The following PSMB3 variants were observed in gnomAD, a reference collection of about 807,000 sequenced individuals.
The protein encoded by PSMB3 is proteasome 20S subunit beta 3.
PSMB3 carries 5 observed loss-of-function variants against 23.3 expected under a neutral mutation model. The ratio of observed to expected loss-of-function variants is 0.21; its 90% CI spans 0.11 to 0.45. PSMB3 has a LOEUF of 0.45. Among genes scored for constraint, PSMB3 ranks in the 20% least tolerant of loss-of-function variants. The pLI is 0.99. For synonymous variants in PSMB3, 85 were observed against 99.8 expected (o/e 0.85, Z 0.88); for missense variants, 192 against 277.9 (o/e 0.69, Z 2.20).
At chr17:38,754,649 T>C (rs1350769555) in intron 2 of PSMB3, among the ~76,000 whole-genome samples, 1 of 152,190 alleles carries the variant, frequency 6.6e-6, no homozygotes, top group Admixed American at 6.5e-5. Flanking sequence ...GAGCCTTCCC[T>C]TCTGCAGTCA....
chr17:38,760,404 T>G, intron 3 of PSMB3, 27 bp from the exon 4 acceptor site: 1 of 1,609,578 alleles, frequency 6.2e-7, no homozygotes, highest in Non-Finnish European at 8.5e-7. Flanking sequence ...GAGTTCTGGT[T>G]TCTCTCTCTG....
chr17:38,755,658 AAATATATAT>A (rs1211685948), intron 2 of PSMB3, among the ~76,000 whole-genome samples: 48 of 106,092 alleles, frequency 4.5e-4, no homozygotes, highest in South Asian at 1.0e-3. Flanking sequence ...AAAAAAAAAA[AAATATATAT>A]ATATATATAT....
chr17:38,757,871 GT>G (rs1908272931), intron 3 of PSMB3, among the ~76,000 whole-genome samples: 1 of 151,766 alleles, frequency 6.6e-6, no homozygotes, highest in Non-Finnish European at 1.5e-5. Context: ...GGCCAGGCTG[GT>G]CTCAAACTCA....
At chr17:38,753,441 GTTTGAGAC>G in intron 2 of PSMB3, 107 bp downstream of exon 2, 1 of 1,174,830 alleles carries the variant, frequency 8.5e-7, no homozygotes, top group African/African-American at 1.6e-5. Flanking sequence ...CCACCAGTGA[GTTTGAGAC>G]TTTGCCGCCT....
chr17:38,756,720 T>A (rs1396934374), intron 3 of PSMB3, among the ~76,000 whole-genome samples: 1 of 152,110 alleles, frequency 6.6e-6, no homozygotes, highest in Non-Finnish European at 1.5e-5. Context: ...GGTCTCGAAC[T>A]CCTGACCTCA....
At chr17:38,757,896 C>T (rs895548972) in intron 3 of PSMB3, among the ~76,000 whole-genome samples, 12 of 151,934 alleles carry the variant, frequency 7.9e-5, no homozygotes, top group Admixed American at 4.6e-4. Context: ...CCTCATGATC[C>T]GCCCACCTCA....
intron 3 of PSMB3, among the ~76,000 whole-genome samples, chr17:38,756,599 G>A (rs965634464): frequency 2.0e-5 from 3 of 151,916 alleles, no homozygotes; most frequent in South Asian, 2.1e-4. Flanking sequence ...AGGTTCAATC[G>A]ATTCTTCTGC....
chr17:38,753,483 CTT>C (rs35484180), intron 2 of PSMB3, 149 bp downstream of exon 2: 19,259 of 619,772 alleles, frequency 0.031, no homozygotes, highest in East Asian at 0.084. Flanking sequence ...CCTTCCCTTT[CTT>C]TTTTTTTTTT....
chr17:38,762,797 C>T (rs1430285463), intron 5 of PSMB3, among the ~76,000 whole-genome samples: 1 of 152,144 alleles, frequency 6.6e-6, no homozygotes, highest in Non-Finnish European at 1.5e-5. Flanking sequence ...TGGGGTGAGC[C>T]ACAACAAAGC....
At chr17:38,755,678 A>ATGTGTGTGTGTGTGTG (rs1207952481) in intron 2 of PSMB3, among the ~76,000 whole-genome samples, 2 of 107,092 alleles carry the variant, frequency 1.9e-5, no homozygotes, top group East Asian at 2.6e-4. Flanking sequence ...ATATATATAT[A>ATGTGTGTGTGTGTGTG]TATATGTGTG....
chr17:38,764,065 C>T (rs1598036214), intron 5 of PSMB3, 54 bp from the exon 6 acceptor site: 3 of 1,607,594 alleles, frequency 1.9e-6, no homozygotes, highest in East Asian at 4.5e-5. Flanking sequence ...GAGCTAGTCA[C>T]AGTCACGGTC....
At chr17:38,754,187 C>T (rs1026510538) in intron 2 of PSMB3, among the ~76,000 whole-genome samples, 3 of 151,928 alleles carry the variant, frequency 2.0e-5, no homozygotes, top group African/African-American at 4.8e-5. Context: ...GTTCTCATTT[C>T]GGCTGGGCGC....
intron 2 of PSMB3, among the ~76,000 whole-genome samples, chr17:38,753,628 A>T (rs1159473892): frequency 1.3e-5 from 2 of 151,944 alleles, no homozygotes; most frequent in African/African-American, 2.4e-5. Flanking sequence ...ACAGGCGCGC[A>T]CCACCATGCC....
At chr17:38,753,707 G>A (rs1362819358) in intron 2 of PSMB3, among the ~76,000 whole-genome samples, 1 of 152,140 alleles carries the variant, frequency 6.6e-6, no homozygotes, top group East Asian at 1.9e-4. Flanking sequence ...TCGAACTCCT[G>A]ACCTCAAGTG....
At chr17:38,760,343 C>G (rs1274576104) in intron 3 of PSMB3, 88 bp from the exon 4 acceptor site, 5 of 1,467,368 alleles carry the variant, frequency 3.4e-6, no homozygotes, top group African/African-American at 1.4e-5. Context: ...GGGTCTGGGT[C>G]TAGGCCGGGG....
Position 38,760,537 on chromosome 17 carries a change from G to T in PSMB3, c.403G>T (p.Asp135Tyr), listed in dbSNP as rs1323462471. Residue 135 changes from aspartate (D) to tyrosine (Y), a missense_variant, in exon 4 of 6, where the codon GAC (aspartate) becomes TAC (tyrosine). Physicochemically the swap from Asp to Tyr is radical, Grantham distance 160. Coordinates refer to ENST00000619426, the MANE Select transcript of PSMB3 (RefSeq NM_002795.4). Reference sequence around the variant, plus strand: ...CATCGGCTGCCCCATGGTGACTGATGACTTTGTGGTCAGTGGCACCTGCGC... The same window carrying T: ...CATCGGCTGCCCCATGGTGACTGATTACTTTGTGGTCAGTGGCACCTGCGC... ...DLIGCPMVTDDFVVSGTCAEQ... is the reference protein window; with the variant it reads ...DLIGCPMVTDYFVVSGTCAEQ... The T allele has an allele frequency of 4.3e-6, 7 of 1,614,138 alleles. No individual in the cohort carries two copies. The highest frequency in any genetic ancestry group is 5.1e-6 in the Non-Finnish European group (6 of 1,180,052).
At chr17:38,759,774 C>T (rs1318667842) in intron 3 of PSMB3, among the ~76,000 whole-genome samples, 3 of 152,104 alleles carry the variant, frequency 2.0e-5, no homozygotes, top group East Asian at 3.9e-4. Flanking sequence ...GTCTCGATCT[C>T]CTGACCTGGT....
In PSMB3 at chr17:38,752,895, G is replaced by T; in HGVS notation, c.3+66G>T. 6.2e-7 allele frequency: 1 copy of T among 1,604,118 alleles called. No homozygotes were observed. The highest frequency in any genetic ancestry group is 1.3e-5 in the African/African-American group (1 of 74,794). Reference sequence around the variant, plus strand: ...TGAGAAGCGGAGGGGGTCAGGAGAGGCTTGGGGACGAAAAGGGCCTAGGGT... The same window carrying T: ...TGAGAAGCGGAGGGGGTCAGGAGAGTCTTGGGGACGAAAAGGGCCTAGGGT... On this transcript the variant is annotated intron_variant, in intron 1 of 5. Coordinates refer to ENST00000619426, the MANE Select transcript of PSMB3 (RefSeq NM_002795.4). This position sits in a 1 kb window ranked among gnomAD's most constrained non-coding sequence, Gnocchi z 5.5.
At chr17:38,762,330 G>A (rs1041029763) in intron 4 of PSMB3, 81 bp from the exon 5 acceptor site, 2 of 1,196,520 alleles carry the variant, frequency 1.7e-6, no homozygotes, top group Non-Finnish European at 2.5e-6. Flanking sequence ...GGAATCTTGA[G>A]CCTAGAAAAA....
Sources: gnomAD v4.1 joint callset for allele counts (sites outside exome capture counted in the v4.1 genomes callset) on GRCh38, gnomAD v4.1.1 for gene constraint, Gnocchi (gnomAD v3.1) non-coding constraint, MANE v1.5 for transcripts, NCBI Gene and HGNC (gene_info 2026-07-23, HGNC 2026-07-21) for gene names.